The following VPS35L variants were observed in gnomAD, a reference collection of about 807,000 sequenced individuals.
The protein encoded by VPS35L is VPS35 endosomal protein sorting factor like.
VPS35L carries 83 observed loss-of-function variants against 133.0 expected under a neutral mutation model. The ratio of observed to expected loss-of-function variants is 0.62; its 90% CI spans 0.52 to 0.75. VPS35L has a LOEUF of 0.75. Ranked by LOEUF, VPS35L falls within the 30% of genes least tolerant of loss-of-function variation. The probability of loss-of-function intolerance (pLI) is 0.00; values close to 1 mark genes in which losing one functional copy is unlikely to be tolerated. For missense variants in VPS35L, 1,083 were observed against 1,206.8 expected (o/e 0.90, Z 1.52); for synonymous variants, 423 against 449.9 (o/e 0.94, Z 0.76).
chr16:19,566,815 T>C (rs950965718), intron 2 of VPS35L, among the ~76,000 whole-genome samples: 5 of 151,382 alleles, frequency 3.3e-5, no homozygotes, highest in East Asian at 3.9e-4. Context: ...AATGGCACAA[T>C]CTCAACTCAG....
At chr16:19,627,376 A>T (rs904553008) in intron 15 of VPS35L, among the ~76,000 whole-genome samples, 1 of 152,072 alleles carries the variant, frequency 6.6e-6, no homozygotes, top group Non-Finnish European at 1.5e-5. Flanking sequence ...GTTCTGTCTC[A>T]TTAGTGCACC....
chr16:19,560,499 T>C (rs570033239), intron 1 of VPS35L, among the ~76,000 whole-genome samples: 1 of 152,264 alleles, frequency 6.6e-6, no homozygotes, highest in East Asian at 1.9e-4. Flanking sequence ...ACAGATAAAA[T>C]TAAGAGTCAT....
At chr16:19,641,997 G>A (rs1419958056) in intron 21 of VPS35L, among the ~76,000 whole-genome samples, 1 of 152,092 alleles carries the variant, frequency 6.6e-6, no homozygotes, top group Non-Finnish European at 1.5e-5. Flanking sequence ...ATCACCTGAG[G>A]CCAGGAGTTC....
Position 19,641,104 on chromosome 16 carries a change from A to G in VPS35L, c.1784+1004A>G, listed in dbSNP as rs536300087. ...TTTTGAGGCAGAACCCTGCTCTGTCACCCAGGCTCGAGTGAAATGGTGCGA... is the reference window on the plus strand; with the variant it reads ...TTTTGAGGCAGAACCCTGCTCTGTCGCCCAGGCTCGAGTGAAATGGTGCGA... On this transcript the variant is annotated intron_variant, in intron 21 of 30. Transcript: ENST00000417362. 6.6e-5 allele frequency among the ~76,000 whole-genome samples: 10 copies of G among 152,030 alleles called. No homozygotes were observed. The East Asian group carries it at 1.9e-3, about 29-fold the overall frequency.
chr16:19,666,967 C>T (rs144964665), intron 26 of VPS35L, among the ~76,000 whole-genome samples: 32,206 of 120,222 alleles, frequency 0.27, 4,614 homozygotes, highest in East Asian at 0.28. Flanking sequence ...TTCCTTTCTT[C>T]CTTTCTTCCT....
At chr16:19,640,185 A>G in intron 21 of VPS35L, 85 bp downstream of exon 21, 1 of 1,236,918 alleles carries the variant, frequency 8.1e-7, no homozygotes, top group Non-Finnish European at 1.2e-6. Context: ...TTGCACTTTG[A>G]GGCCGAGTGA....
chr16:19,626,475 C>CT (rs1188510319), intron 15 of VPS35L, among the ~76,000 whole-genome samples: 3 of 152,094 alleles, frequency 2.0e-5, no homozygotes, highest in African/African-American at 7.2e-5. Flanking sequence ...AATAATAGTT[C>CT]TTTCAACTGG....
At chr16:19,649,206 G>A (rs546893319) in intron 24 of VPS35L, among the ~76,000 whole-genome samples, 1 of 152,148 alleles carries the variant, frequency 6.6e-6, no homozygotes, top group South Asian at 2.1e-4. Flanking sequence ...GGCCAGGCTG[G>A]TCTTGAACTC....
intron 7 of VPS35L, among the ~76,000 whole-genome samples, chr16:19,588,874 G>T (rs1971955321): frequency 6.6e-6 from 1 of 152,198 alleles, no homozygotes; most frequent in Non-Finnish European, 1.5e-5. Context: ...CATAGTAGCT[G>T]TGCCAGCATA....
At position 19,577,615 on chromosome 16, in the gene VPS35L, GTTGT is replaced by G. The variant is rs1423693013; in HGVS notation, c.434-1432_434-1429del. 6.6e-5 allele frequency among the ~76,000 whole-genome samples: 10 copies of G among 152,300 alleles called. No homozygotes were observed. In the South Asian group the frequency reaches 2.1e-3, roughly 32 times the overall value. On this transcript the variant is annotated intron_variant, in intron 5 of 30. Coordinates refer to ENST00000417362, the MANE Select transcript of VPS35L (RefSeq NM_020314.7). ...ATTTGAAGACAGGTGCTGTGGTCTGGTTGTTTGTGCCTAACCCCACTCCCCTGCC... is the reference window on the plus strand; with the variant it reads ...ATTTGAAGACAGGTGCTGTGGTCTGGTTGTGCCTAACCCCACTCCCCTGCC...
intron 5 of VPS35L, among the ~76,000 whole-genome samples, chr16:19,577,186 CTATA>C (rs2151513894): frequency 1.3e-5 from 2 of 152,276 alleles, no homozygotes; most frequent in East Asian, 3.9e-4. Context: ...GTTCCACAGG[CTATA>C]TAAGAAGCAT....
chr16:19,636,206 AAAT>A lies in VPS35L; in HGVS notation c.1636-1379_1636-1377del, dbSNP rs536284003. On this transcript the variant is annotated intron_variant, in intron 19 of 30. Transcript: ENST00000417362. ...CTGTCTCAAAAAATAATAATAAAAC[AAAT>A]AATAATAAAACAATGATAGAATTGT... 5.4e-3 allele frequency among the ~76,000 whole-genome samples: 822 copies of A among 152,250 alleles called. 6 individuals are homozygous for A. The highest frequency in any genetic ancestry group is 0.019 in the African/African-American group (776 of 41,528).
At chr16:19,679,801 T>C (rs1425537622) in intron 27 of VPS35L, among the ~76,000 whole-genome samples, 3 of 152,184 alleles carry the variant, frequency 2.0e-5, no homozygotes, top group Admixed American at 1.3e-4. Context: ...CACCGCTATC[T>C]AGCCCAGGCT....
rs72767582 is a variant in VPS35L at position 19,639,138 on chromosome 16, T to C, written c.1699-877T>C. Among the ~76,000 whole-genome samples the C allele has an allele frequency of 0.21, 31,243 of 152,262 alleles. 3,970 individuals are homozygous for C. The highest frequency in any genetic ancestry group is 0.27 in the Non-Finnish European group (18,694 of 67,998). ...TGAAGTGCTTATTTCTAGAATTTTC[T>C]ATTTAATATTTTCGGATGGCCGTTA... is the stretch of plus-strand genomic sequence containing the variant. On this transcript the variant is annotated intron_variant, in intron 20 of 30. Coordinates refer to ENST00000417362, the MANE Select transcript of VPS35L (RefSeq NM_020314.7). This position sits in a 1 kb window ranked among gnomAD's most constrained non-coding sequence, Gnocchi z 4.1.
At chr16:19,623,287 A>G (rs1567432250) in intron 14 of VPS35L, among the ~76,000 whole-genome samples, 1 of 152,198 alleles carries the variant, frequency 6.6e-6, no homozygotes, top group African/African-American at 2.4e-5. Flanking sequence ...TCAAGGGGCC[A>G]GCAAGGTTGG....
At chr16:19,597,640 G>C (rs1972258937) in intron 8 of VPS35L, among the ~76,000 whole-genome samples, 1 of 152,172 alleles carries the variant, frequency 6.6e-6, no homozygotes, top group African/African-American at 2.4e-5. Context: ...CACTTCCCAA[G>C]GTCCCTGTCC....
chr16:19,701,109 A>G lies in VPS35L; in HGVS notation c.*633A>G, dbSNP rs1976119698. Reference sequence around the variant, plus strand: ...GCTTCAGTATACAGTAACTGAATAAATGTCCTGAAGGAGCATTTATGTTCA... The same window carrying G: ...GCTTCAGTATACAGTAACTGAATAAGTGTCCTGAAGGAGCATTTATGTTCA... On this transcript the variant is annotated 3_prime_UTR_variant, in exon 31 of 31. Coordinates refer to ENST00000417362, the MANE Select transcript of VPS35L (RefSeq NM_020314.7). 1 of 152,268 alleles carries G rather than the reference A, an allele frequency of 6.6e-6. No individual in the cohort carries two copies. The highest frequency in any genetic ancestry group is 2.4e-5 in the African/African-American group (1 of 41,454). 9.4% of individuals were successfully genotyped at this position (152,268 alleles called of 1,614,324 possible).
chr16:19,560,979 T>C (rs1971010832), intron 1 of VPS35L, among the ~76,000 whole-genome samples: 1 of 151,954 alleles, frequency 6.6e-6, no homozygotes, highest in Admixed American at 6.6e-5. Flanking sequence ...GTGATTTCAA[T>C]TGCAATCTTT....
At chr16:19,577,602 G>T (rs1971576895) in intron 5 of VPS35L, among the ~76,000 whole-genome samples, 1 of 152,116 alleles carries the variant, frequency 6.6e-6, no homozygotes, top group Non-Finnish European at 1.5e-5. Context: ...TTGAAGACAG[G>T]TGCTGTGGTC....
Sources: gnomAD v4.1 joint callset for allele counts (sites outside exome capture counted in the v4.1 genomes callset) on GRCh38, gnomAD v4.1.1 for gene constraint, Gnocchi (gnomAD v3.1) non-coding constraint, MANE v1.5 for transcripts, NCBI Gene and HGNC (gene_info 2026-07-23, HGNC 2026-07-21) for gene names.